Variants in ZRANB3 observed in about 807,000 individuals in gnomAD.
ZRANB3 encodes DNA annealing helicase and endonuclease ZRANB3.
A neutral mutation model predicts 133.8 loss-of-function variants in ZRANB3; 125 were observed. The ratio of observed to expected loss-of-function variants is 0.93; its 90% CI spans 0.81 to 1.08. ZRANB3 has a LOEUF of 1.08. Ranked by LOEUF, ZRANB3 falls within the 50% of genes least tolerant of loss-of-function variation. The pLI, the probability that ZRANB3 is intolerant of heterozygous loss-of-function variation, is 0.00. For missense variants in ZRANB3, 1,229 were observed against 1,275.5 expected, an observed-to-expected ratio of 0.96 and a Z score of 0.56; for synonymous variants, 387 against 432.7, an observed-to-expected ratio of 0.89 and a Z score of 1.31.
intron 2 of ZRANB3, among the ~76,000 whole-genome samples, chr2:135,469,141 T>C (rs189115309): frequency 9.2e-5 from 14 of 152,112 alleles, no homozygotes; most frequent in African/African-American, 3.4e-4. Context: ...AAGTTTCCAC[T>C]GACTAAGAAA....
intron 2 of ZRANB3, among the ~76,000 whole-genome samples, chr2:135,393,352 C>T (rs538494085): frequency 5.3e-5 from 8 of 150,606 alleles, no homozygotes; most frequent in African/African-American, 1.5e-4. Flanking sequence ...CAAAGCAAAA[C>T]GAGAACATGA....
At chr2:135,426,658 T>C (rs1328867696) in intron 2 of ZRANB3, among the ~76,000 whole-genome samples, 1 of 149,504 alleles carries the variant, frequency 6.7e-6, no homozygotes, top group South Asian at 2.1e-4. Context: ...TGAAACTCAA[T>C]CTCTACTAAA....
At chr2:135,300,611 G>A (rs948486228) in intron 8 of ZRANB3, among the ~76,000 whole-genome samples, 1 of 152,132 alleles carries the variant, frequency 6.6e-6, no homozygotes, top group African/African-American at 2.4e-5. Context: ...TATCAACCCA[G>A]TTGACCAAGC....
chr2:135,316,968 A>G (rs959965812), intron 6 of ZRANB3, among the ~76,000 whole-genome samples: 19 of 93,204 alleles, frequency 2.0e-4, no homozygotes, highest in Middle Eastern at 6.1e-3. Context: ...CCGTCTCGAG[A>G]AAAAAAAAAA....
chr2:135,446,206 CAA>C (rs200864291), intron 2 of ZRANB3, among the ~76,000 whole-genome samples: 26 of 98,780 alleles, frequency 2.6e-4, no homozygotes, highest in Non-Finnish European at 2.3e-4. Flanking sequence ...AACTCAATCT[CAA>C]AAAAAAAAAA....
At chr2:135,286,331 G>A (rs544998044) in intron 8 of ZRANB3, among the ~76,000 whole-genome samples, 3 of 152,282 alleles carry the variant, frequency 2.0e-5, no homozygotes, top group African/African-American at 7.2e-5. Flanking sequence ...AGGCTGGAGT[G>A]CAGTGGTACA....
At chr2:135,216,658 T>C (rs1487279259) in intron 17 of ZRANB3, among the ~76,000 whole-genome samples, 7 of 151,982 alleles carry the variant, frequency 4.6e-5, no homozygotes, top group South Asian at 2.1e-4. Context: ...AGGCTGATCA[T>C]TGAACTCCTG....
chr2:135,232,597 C>T (rs940773010), intron 12 of ZRANB3, among the ~76,000 whole-genome samples: 2 of 152,168 alleles, frequency 1.3e-5, no homozygotes, highest in African/African-American at 4.8e-5. Context: ...GAGACAAAAC[C>T]TCCAGAGGAA....
intron 2 of ZRANB3, among the ~76,000 whole-genome samples, chr2:135,483,207 T>G (rs552410494): frequency 9.7e-4 from 147 of 152,042 alleles, no homozygotes; most frequent in Admixed American, 3.7e-3. Flanking sequence ...AGCTCCTCCT[T>G]GTACCTCTGG....
At chr2:135,415,024 C>T (rs1688492906) in intron 2 of ZRANB3, among the ~76,000 whole-genome samples, 1 of 151,502 alleles carries the variant, frequency 6.6e-6, no homozygotes, top group African/African-American at 2.4e-5. Context: ...AATTGACACC[C>T]TAACATCACA....
At chr2:135,403,315 C>G (rs545961919) in intron 2 of ZRANB3, among the ~76,000 whole-genome samples, 20 of 152,360 alleles carry the variant, frequency 1.3e-4, no homozygotes, top group Middle Eastern at 6.8e-3. Context: ...TATCCCGCAC[C>G]TGGCTCGGAG....
At chr2:135,345,318 A>T (rs1049579535) in intron 6 of ZRANB3, 3 of 340,002 alleles carry the variant, frequency 8.8e-6, no homozygotes, top group African/African-American at 6.3e-5. Flanking sequence ...ATACAAAAAA[A>T]TTAGCCGGGC....
At chr2:135,381,191 C>A (rs928816624) in intron 3 of ZRANB3, among the ~76,000 whole-genome samples, 1 of 152,214 alleles carries the variant, frequency 6.6e-6, no homozygotes, top group Non-Finnish European at 1.5e-5. Flanking sequence ...AAACGGCACA[C>A]CAGGAGATTA....
intron 12 of ZRANB3, among the ~76,000 whole-genome samples, chr2:135,256,547 C>T (rs1415843718): frequency 6.6e-6 from 1 of 152,204 alleles, no homozygotes; most frequent in Non-Finnish European, 1.5e-5. Context: ...AGGCTGGCCT[C>T]GAACTCCCAA....
At chr2:135,511,465 G>C (rs1366396004) in intron 1 of ZRANB3, 4 of 848,672 alleles carry the variant, frequency 4.7e-6, no homozygotes, top group African/African-American at 1.7e-5. Context: ...GGTGTTTGCT[G>C]TCTTTTCTTC....
chr2:135,221,767 G>C (rs759275892), intron 15 of ZRANB3, among the ~76,000 whole-genome samples: 1 of 152,142 alleles, frequency 6.6e-6, no homozygotes, highest in Non-Finnish European at 1.5e-5. Flanking sequence ...GGTGCTCCCT[G>C]CAGCCTGGTT....
chr2:135,273,072 G>A (rs893009147), intron 9 of ZRANB3, among the ~76,000 whole-genome samples: 4 of 151,500 alleles, frequency 2.6e-5, no homozygotes, highest in Admixed American at 6.6e-5. Context: ...TGTAGTCCCA[G>A]ATACTCGGGA....
Position 135,240,671 on chromosome 2 carries a change from T to C in ZRANB3, c.1540-9744A>G, listed in dbSNP as rs144786829. Among the ~76,000 whole-genome samples the C allele has an allele frequency of 2.6e-3, 400 of 152,316 alleles. 1 individual carries two copies. The highest frequency in any genetic ancestry group is 8.8e-3 in the African/African-American group (364 of 41,584). The stretch of plus-strand genomic sequence containing the variant: ...ACAGCTCATTGGAGTCTTGACCTCC[T>C]GGATTCAAGTGATCCTCCCACCTCA... On this transcript the variant is annotated intron_variant, in intron 12 of 20. Transcript: ENST00000264159.
intron 8 of ZRANB3, among the ~76,000 whole-genome samples, chr2:135,287,623 T>C (rs893465211): frequency 6.6e-6 from 1 of 151,792 alleles, no homozygotes; most frequent in Non-Finnish European, 1.5e-5. Context: ...GTTTTGTAGT[T>C]TTCCTCGTAG....
Sources: allele counts gnomAD v4.1 joint callset (sites outside exome capture counted in the v4.1 genomes callset), GRCh38; gene constraint gnomAD v4.1.1; transcripts MANE v1.5; gene names NCBI Gene and HGNC (gene_info 2026-07-23, HGNC 2026-07-21).